TXNDC16: variants seen among roughly 807,000 people sequenced by gnomAD.
TXNDC16 encodes the protein thioredoxin domain-containing protein 16.
In TXNDC16, 74 loss-of-function variants were observed where a neutral mutation model predicts 85.6. That is an observed-to-expected ratio of 0.86 (90% CI 0.72 to 1.05). The LOEUF (loss-of-function observed/expected upper bound fraction) is 1.05. Ranked by LOEUF, TXNDC16 falls within the 50% of genes least tolerant of loss-of-function variation. The probability of loss-of-function intolerance (pLI) is 0.00; values close to 1 mark genes in which losing one functional copy is unlikely to be tolerated. For missense variants in TXNDC16, 959 were observed against 947.0 expected, an observed-to-expected ratio of 1.01 and a Z score of -0.17; for synonymous variants, 335 against 326.5, an observed-to-expected ratio of 1.03 and a Z score of -0.28.
chr14:52,498,425 ACACACACACACACT>A (rs1016310465), intron 9 of TXNDC16, among the ~76,000 whole-genome samples: 5 of 151,828 alleles, frequency 3.3e-5, no homozygotes. Flanking sequence ...ACACACACAC[ACACACACACACACT>A]CACACACACC....
intron 14 of TXNDC16, among the ~76,000 whole-genome samples, chr14:52,477,574 A>G (rs1446089027): frequency 6.6e-6 from 1 of 152,214 alleles, no homozygotes; most frequent in Non-Finnish European, 1.5e-5. Flanking sequence ...TATAAAAAAG[A>G]CAAAGGGCGT....
chr14:52,507,690 A>C lies in TXNDC16; in HGVS notation c.756+3550T>G, dbSNP rs537064968. Among the ~76,000 whole-genome samples the C allele has an allele frequency of 6.2e-4, 95 of 152,342 alleles. 1 individual carries two copies. The highest frequency in any genetic ancestry group is 2.3e-3 in the African/African-American group (94 of 41,578). ...ACTACAAGGCTACAGTAACCAAAAC[A>C]GCATGGTACTGGTACCAAAACAGAG... On this transcript the variant is annotated intron_variant, in intron 9 of 20. Transcript: ENST00000281741.
At chr14:52,510,141 T>C (rs1257768983) in intron 9 of TXNDC16, among the ~76,000 whole-genome samples, 1 of 152,316 alleles carries the variant, frequency 6.6e-6, no homozygotes, top group South Asian at 2.1e-4. Context: ...ACCTTGATAA[T>C]GTTCAAAGAA....
intron 18 of TXNDC16, among the ~76,000 whole-genome samples, chr14:52,451,160 T>G (rs1182750379): frequency 6.6e-6 from 1 of 151,560 alleles, no homozygotes; most frequent in Admixed American, 6.6e-5. Flanking sequence ...GACTATACAT[T>G]GGGTACAGTG....
At chr14:52,484,810 G>A (rs2036230726) in intron 12 of TXNDC16, among the ~76,000 whole-genome samples, 1 of 152,122 alleles carries the variant, frequency 6.6e-6, no homozygotes, top group Admixed American at 6.5e-5. Context: ...GAACCCAGGA[G>A]GTGGAGGTTG....
chr14:52,447,913 A>C (rs1333946111), intron 18 of TXNDC16, among the ~76,000 whole-genome samples: 1 of 152,028 alleles, frequency 6.6e-6, no homozygotes, highest in Non-Finnish European at 1.5e-5. Flanking sequence ...TGTAGAATAC[A>C]TCAGAGTCCT....
chr14:52,464,354 T>C (rs1430603473), intron 16 of TXNDC16, among the ~76,000 whole-genome samples: 2 of 152,324 alleles, frequency 1.3e-5, no homozygotes, highest in Admixed American at 1.3e-4. Context: ...TTTCTAGACT[T>C]TCTACATAAT....
intron 13 of TXNDC16, 49 bp from the exon 14 acceptor site, chr14:52,482,338 G>A: frequency 1.4e-6 from 2 of 1,437,068 alleles, no homozygotes; most frequent in Non-Finnish European, 1.9e-6. Flanking sequence ...TATCTACAAA[G>A]CATCCACACT....
At chr14:52,506,311 T>C (rs977944336) in intron 9 of TXNDC16, among the ~76,000 whole-genome samples, 5 of 152,120 alleles carry the variant, frequency 3.3e-5, no homozygotes, top group African/African-American at 1.2e-4. Context: ...TGAACATTGA[T>C]GCAAAAATCC....
At position 52,493,215 on chromosome 14, in the gene TXNDC16, A is replaced by ATATATATATATAT. The variant is rs761008122; in HGVS notation, c.757-2211_757-2210insATATATATATATA. 7.8e-3 allele frequency among the ~76,000 whole-genome samples: 949 copies of ATATATATATATAT among 120,954 alleles called. 13 individuals are homozygous for ATATATATATATAT. Among genetic ancestry groups the ATATATATATATAT allele is most frequent in the African/African-American group, 0.026 (868 of 33,084 alleles). The allele number at this position is 120,954 out of a possible 152,430, so 79.4% of individuals were successfully genotyped here. A position where few individuals can be genotyped will look rare whatever the true frequency, so the allele number is the denominator to read the frequency against. On this transcript the variant is annotated intron_variant, in intron 9 of 20. Transcript: ENST00000281741. ...GTTCTATATATATATATATATATAT[A>ATATATATATATAT]TACACACACACACACACACATATTT...
intron 14 of TXNDC16, among the ~76,000 whole-genome samples, chr14:52,478,852 A>T (rs546356139): frequency 6.6e-6 from 1 of 152,240 alleles, no homozygotes; most frequent in African/African-American, 2.4e-5. Flanking sequence ...CCAGGAAAAG[A>T]CATAACCAAA....
At chr14:52,451,796 T>C (rs1029520542) in intron 18 of TXNDC16, among the ~76,000 whole-genome samples, 1 of 152,136 alleles carries the variant, frequency 6.6e-6, no homozygotes, top group Admixed American at 6.5e-5. Context: ...GGATACCCAC[T>C]GTCATGACTA....
intron 16 of TXNDC16, among the ~76,000 whole-genome samples, chr14:52,466,998 C>A (rs1480863926): frequency 1.4e-5 from 2 of 148,104 alleles, no homozygotes; most frequent in East Asian, 2.0e-4. Context: ...GAAAAAAAAA[C>A]AAGAAAATAT....
At chr14:52,450,445 C>A (rs2035380529) in intron 18 of TXNDC16, among the ~76,000 whole-genome samples, 1 of 142,812 alleles carries the variant, frequency 7.0e-6, no homozygotes, top group Non-Finnish European at 1.5e-5. Context: ...AATACAAAGG[C>A]TTCCAGAAAA....
At position 52,432,367 on chromosome 14, in the gene TXNDC16, C is replaced by G; in HGVS notation, c.2415G>C (p.Trp805Cys). ...TAAATGATTTTTCTGCTTCTTTAAA[C>G]CAATTACTTCTATTCCAATGCTTTA... ...LRIKHWNRSN[W>C]FKEAEKSFRR... The change falls in exon 21 of 21, where the codon TGG becomes TGC. Residue 805 changes from tryptophan (W) to cysteine (C), a missense_variant. Physicochemically the swap from Trp to Cys is radical, Grantham distance 215 (BLOSUM62 -2). Coordinates refer to ENST00000281741, the MANE Select transcript of TXNDC16 (RefSeq NM_020784.3). The G allele has an allele frequency of 1.9e-6, 3 of 1,613,778 alleles. No individual in the cohort carries two copies. The highest frequency in any genetic ancestry group is 2.5e-6 in the Non-Finnish European group (3 of 1,179,864).
At chr14:52,484,195 AT>A (rs1432088575) in intron 12 of TXNDC16, among the ~76,000 whole-genome samples, 1 of 106,228 alleles carries the variant, frequency 9.4e-6, no homozygotes, top group African/African-American at 3.5e-5. Context: ...CTACAAAACA[AT>A]AAGGGGGGGG....
At chr14:52,519,348 C>A in intron 6 of TXNDC16, 55 bp from the exon 7 acceptor site, 2 of 1,363,238 alleles carry the variant, frequency 1.5e-6, no homozygotes, top group South Asian at 1.4e-5. Context: ...TTTAGTTACA[C>A]CACACTTCTG....
At chr14:52,444,301 T>C (rs2035231722) in intron 18 of TXNDC16, among the ~76,000 whole-genome samples, 2 of 152,096 alleles carry the variant, frequency 1.3e-5, no homozygotes, top group Non-Finnish European at 2.9e-5. Context: ...CTGAGAAAAA[T>C]ACTAAACCCT....
At chr14:52,491,108 T>C (rs919350631) in intron 9 of TXNDC16, 103 bp from the exon 10 acceptor site, 16 of 1,303,824 alleles carry the variant, frequency 1.2e-5, no homozygotes, top group Non-Finnish European at 1.5e-5. Context: ...TAAAAAAAAG[T>C]GTAAAATAAT....
Sources: gnomAD v4.1 joint callset for allele counts (sites outside exome capture counted in the v4.1 genomes callset) on GRCh38, gnomAD v4.1.1 for gene constraint, MANE v1.5 for transcripts, NCBI Gene and HGNC (gene_info 2026-07-23, HGNC 2026-07-21) for gene names.